The following NEMP2 variants were observed in gnomAD, a reference collection of about 807,000 sequenced individuals.
The protein encoded by NEMP2 is nuclear envelope integral membrane protein 2, also known as UPF0571 transmembrane protein.
NEMP2 carries 53 observed loss-of-function variants against 54.2 expected under a neutral mutation model. That is an observed-to-expected ratio of 0.98 (90% confidence interval 0.78 to 1.23). The LOEUF (loss-of-function observed/expected upper bound fraction) is 1.23. NEMP2 is among the 50% of genes most tolerant of loss of function. The pLI is 0.00. For synonymous variants in NEMP2, 197 were observed against 190.3 expected, an observed-to-expected ratio of 1.04 and a Z score of -0.29; for missense variants, 455 against 511.3, an observed-to-expected ratio of 0.89 and a Z score of 1.06.
the NEMP2 span, among the ~76,000 whole-genome samples, chr2:190,549,623 A>G: frequency 1.3e-5 from 2 of 152,114 alleles, no homozygotes; most frequent in Admixed American, 1.3e-4. Flanking sequence ...AATAGCAATT[A>G]TTACTTTTTT....
At chr2:190,497,501 G>A in the NEMP2 span, 7 of 1,614,096 alleles carry the variant, frequency 4.3e-6, no homozygotes, top group African/African-American at 1.3e-5. This position sits in a 1 kb window ranked among gnomAD's most constrained non-coding sequence, Gnocchi z 5.2. Context: ...AGCAACCATC[G>A]ACTTGGTACA....
At chr2:190,435,939 T>G in the NEMP2 span, 2 of 1,469,142 alleles carry the variant, frequency 1.4e-6, no homozygotes, top group Non-Finnish European at 1.8e-6. Flanking sequence ...ATGTTATGAT[T>G]TTCATTACTA....
chr2:190,436,398 A>G, the NEMP2 span: 2 of 1,614,144 alleles, frequency 1.2e-6, no homozygotes, highest in Non-Finnish European at 8.5e-7. The surrounding 1 kb of genome is among the most constrained non-coding windows in gnomAD (Gnocchi z 5.3). Flanking sequence ...TTTGGGGTGT[A>G]GTTGCAGACC....
chr2:190,578,354 C>T, the NEMP2 span, among the ~76,000 whole-genome samples: 5 of 151,308 alleles, frequency 3.3e-5, no homozygotes, highest in South Asian at 4.2e-4. The surrounding 1 kb of genome is among the most constrained non-coding windows in gnomAD (Gnocchi z 4.4). Context: ...TCCCTCTTAG[C>T]CTAGCTGCAG....
downstream of NEMP2, chr2:190,499,808 G>C (rs1280881913): frequency 6.5e-7 from 1 of 1,527,840 alleles, no homozygotes; most frequent in Non-Finnish European, 8.8e-7. This position sits in a 1 kb window ranked among gnomAD's most constrained non-coding sequence, Gnocchi z 6.0. Context: ...TATAGTGTTT[G>C]TGTTTTTCAT....
chr2:190,573,125 G>T, the NEMP2 span, among the ~76,000 whole-genome samples: 1 of 151,940 alleles, frequency 6.6e-6, no homozygotes, highest in African/African-American at 2.4e-5. Context: ...GCTAGAAACA[G>T]CACAAGGCAG....
rs1690384138 is a variant in NEMP2 at position 190,512,005 on chromosome 2, G to A, written c.954-1468C>T. 6.7e-6 allele frequency among the ~76,000 whole-genome samples: 1 copy of A among 150,374 alleles called. No homozygotes were observed. Among genetic ancestry groups the A allele is most frequent in the Admixed American group, 6.6e-5 (1 of 15,050 alleles). The stretch of plus-strand genomic sequence containing the variant: ...AAGTATATATATATTTTTTCTTGAG[G>A]GTTAGGATTGATAAATCTATTATCT... On this transcript the variant is annotated intron_variant, in intron 7 of 8. Transcript: ENST00000409150. The surrounding 1 kb of genome is among the most constrained non-coding windows in gnomAD (Gnocchi z 4.5).
the NEMP2 span, among the ~76,000 whole-genome samples, chr2:190,606,569 G>T: frequency 2.0e-5 from 3 of 152,098 alleles, no homozygotes; most frequent in African/African-American, 4.8e-5. Context: ...AAAATTAGCC[G>T]GGTGTGGTGG....
rs948862604 is a variant in NEMP2 at position 190,506,617 on chromosome 2, G to A, written c.*2572C>T. 2.0e-5 allele frequency: 3 copies of A among 152,252 alleles called. No individual in the cohort carries two copies. In the Middle Eastern group the frequency reaches 0.01, roughly 518 times the overall value. The allele number at this position is 152,252 out of a possible 1,614,324, so 9.4% of individuals were successfully genotyped here. On this transcript the variant is annotated 3_prime_UTR_variant, in exon 9 of 9. Transcript: ENST00000409150. The surrounding 1 kb of genome is among the most constrained non-coding windows in gnomAD (Gnocchi z 6.3). The stretch of plus-strand genomic sequence containing the variant: ...CTGTAATTCAGCCCTAGGTATTACT[G>A]GCAAACCATACAACTAATTCACAAA...
At chr2:190,640,787 ATTTTTTTTTT>A in the NEMP2 span, among the ~76,000 whole-genome samples, 16 of 118,008 alleles carry the variant, frequency 1.4e-4, no homozygotes, top group East Asian at 3.6e-3. Flanking sequence ...AACACATTCA[ATTTTTTTTTT>A]TTTTTTTTTT....
the NEMP2 span, among the ~76,000 whole-genome samples, chr2:190,470,464 T>C: frequency 6.6e-6 from 1 of 152,120 alleles, no homozygotes; most frequent in African/African-American, 2.4e-5. Flanking sequence ...GCTGAAAAAA[T>C]GGATTACTAT....
chr2:190,499,348 C>T (rs768089429), downstream of NEMP2, among the ~76,000 whole-genome samples: 1 of 151,892 alleles, frequency 6.6e-6, no homozygotes, highest in Non-Finnish European at 1.5e-5. The surrounding 1 kb of genome is among the most constrained non-coding windows in gnomAD (Gnocchi z 6.0). Flanking sequence ...GGGGGAGAAT[C>T]CATTTAAATT....
At chr2:190,549,045 CT>C in the NEMP2 span, among the ~76,000 whole-genome samples, 1 of 152,226 alleles carries the variant, frequency 6.6e-6, no homozygotes, top group South Asian at 2.1e-4. Flanking sequence ...CACCCCTCCA[CT>C]TTCTCTTTTC....
chr2:190,637,569 G>A, the NEMP2 span, among the ~76,000 whole-genome samples: 1 of 152,290 alleles, frequency 6.6e-6, no homozygotes, highest in Non-Finnish European at 1.5e-5. The surrounding 1 kb of genome is among the most constrained non-coding windows in gnomAD (Gnocchi z 4.5). Flanking sequence ...TGTTTATGCT[G>A]CCTCACTGCC....
At chr2:190,645,829 T>C in the NEMP2 span, among the ~76,000 whole-genome samples, 1 of 152,276 alleles carries the variant, frequency 6.6e-6, no homozygotes, top group South Asian at 2.1e-4. Flanking sequence ...GTAGTTTTTA[T>C]ATTCATCTTT....
chr2:190,503,934 C>T (rs189740992), downstream of NEMP2, among the ~76,000 whole-genome samples: 848 of 152,296 alleles, frequency 5.6e-3, 12 homozygotes, highest in African/African-American at 0.02. The surrounding 1 kb of genome is among the most constrained non-coding windows in gnomAD (Gnocchi z 6.3). Flanking sequence ...TGAGCCAGTC[C>T]GGCTAAGTGC....
At chr2:190,584,276 C>A in the NEMP2 span, among the ~76,000 whole-genome samples, 1 of 151,984 alleles carries the variant, frequency 6.6e-6, no homozygotes, top group Non-Finnish European at 1.5e-5. This position sits in a 1 kb window ranked among gnomAD's most constrained non-coding sequence, Gnocchi z 4.2. Flanking sequence ...AATATGGAAG[C>A]CTGAAGAACA....
chr2:190,496,667 T>C, the NEMP2 span, among the ~76,000 whole-genome samples: 6 of 151,916 alleles, frequency 3.9e-5, no homozygotes, highest in African/African-American at 1.5e-4. This position sits in a 1 kb window ranked among gnomAD's most constrained non-coding sequence, Gnocchi z 4.7. Flanking sequence ...TATGTGTGTG[T>C]ATGTGTGTGT....
chr2:190,546,590 A>C, the NEMP2 span, among the ~76,000 whole-genome samples: 3 of 152,128 alleles, frequency 2.0e-5, no homozygotes, highest in African/African-American at 7.2e-5. This position sits in a 1 kb window ranked among gnomAD's most constrained non-coding sequence, Gnocchi z 5.1. Flanking sequence ...TGCTTACACT[A>C]TGCAAAGTCT....
Sources: gnomAD v4.1 joint callset for allele counts (sites outside exome capture counted in the v4.1 genomes callset) on GRCh38, gnomAD v4.1.1 for gene constraint, Gnocchi (gnomAD v3.1) non-coding constraint, MANE v1.5 for transcripts, NCBI Gene and HGNC (gene_info 2026-07-23, HGNC 2026-07-21) for gene names.